The following IMMP2L variants were observed in gnomAD, a reference collection of about 807,000 sequenced individuals.
IMMP2L encodes mitochondrial inner membrane protease subunit 2.
IMMP2L carries 18 observed loss-of-function variants against 19.3 expected under a neutral mutation model. That is an observed-to-expected ratio of 0.93 (90% CI 0.64 to 1.38). The LOEUF is 1.38. IMMP2L is among the 40% of genes most tolerant of loss of function. IMMP2L has a pLI of 0.00. For synonymous variants in IMMP2L, 76 were observed against 73.0 expected (o/e 1.04, Z -0.21); for missense variants, 233 against 218.2 (o/e 1.07, Z -0.43).
At chr7:111,478,701 C>T (rs1250672860) in intron 3 of IMMP2L, among the ~76,000 whole-genome samples, 1 of 152,138 alleles carries the variant, frequency 6.6e-6, no homozygotes, top group Non-Finnish European at 1.5e-5. Context: ...GCTAGGATTA[C>T]AGACATGACT....
chr7:111,409,592 G>A (rs1834213506), intron 3 of IMMP2L, among the ~76,000 whole-genome samples: 1 of 151,628 alleles, frequency 6.6e-6, no homozygotes, highest in Non-Finnish European at 1.5e-5. Context: ...TATAACCTTG[G>A]TTAAATAATC....
intron 3 of IMMP2L, among the ~76,000 whole-genome samples, chr7:111,022,984 C>T (rs1826442146): frequency 6.6e-6 from 1 of 152,200 alleles, no homozygotes; most frequent in African/African-American, 2.4e-5. Flanking sequence ...AATACAAATT[C>T]ACCTTTGCAG....
At position 111,541,812 on chromosome 7, in the gene IMMP2L, T is replaced by A. The variant is rs182060890; in HGVS notation, c.-3+20039A>T. 2.3e-3 allele frequency among the ~76,000 whole-genome samples: 348 copies of A among 152,222 alleles called. 1 individual carries two copies. The highest frequency in any genetic ancestry group is 1.1e-3 in the Non-Finnish European group (75 of 67,984). On this transcript the variant is annotated intron_variant, in intron 1 of 5. Transcript: ENST00000405709. The stretch of plus-strand genomic sequence containing the variant: ...AAAGTTTCTCAGAACCTAATGTAGC[T>A]TTCTTCTGCAAAAAAGACGAGGCAT...
intron 5 of IMMP2L, among the ~76,000 whole-genome samples, chr7:110,735,672 G>T (rs1208750598): frequency 7.7e-5 from 5 of 64,828 alleles, no homozygotes; most frequent in East Asian, 9.0e-4. Flanking sequence ...TATATATATA[G>T]TAGACAAATA....
intron 2 of IMMP2L, among the ~76,000 whole-genome samples, chr7:111,509,669 TGTGTGTATA>T (rs1845265086): frequency 6.6e-6 from 1 of 152,202 alleles, no homozygotes; most frequent in Non-Finnish European, 1.5e-5. Context: ...GTTGCATGTA[TGTGTGTATA>T]GTGCAAAATA....
At chr7:111,004,149 T>A (rs897529531) in intron 3 of IMMP2L, among the ~76,000 whole-genome samples, 11 of 152,168 alleles carry the variant, frequency 7.2e-5, no homozygotes, top group African/African-American at 2.6e-4. Context: ...CTTATACAGG[T>A]CACATAAGCT....
intron 3 of IMMP2L, among the ~76,000 whole-genome samples, chr7:111,138,679 AAGATT>A (rs1263555787): frequency 6.6e-6 from 1 of 152,222 alleles, no homozygotes; most frequent in Non-Finnish European, 1.5e-5. Context: ...AAGCTAGAAA[AAGATT>A]AGAGATAAGG....
At chr7:111,407,433 C>A (rs971981607) in intron 3 of IMMP2L, among the ~76,000 whole-genome samples, 2 of 151,848 alleles carry the variant, frequency 1.3e-5, no homozygotes, top group Non-Finnish European at 2.9e-5. Flanking sequence ...TGTGGATTAA[C>A]AAAATGAGGT....
At chr7:111,217,460 C>T (rs925932856) in intron 3 of IMMP2L, among the ~76,000 whole-genome samples, 5 of 152,078 alleles carry the variant, frequency 3.3e-5, no homozygotes. Context: ...ATAAAGCCCA[C>T]TCATGGAGCT....
chr7:111,467,355 A>C (rs2132066307), intron 3 of IMMP2L, among the ~76,000 whole-genome samples: 1 of 152,326 alleles, frequency 6.6e-6, no homozygotes, highest in African/African-American at 2.4e-5. Flanking sequence ...TAAAATTTCC[A>C]ATTCTATATA....
intron 5 of IMMP2L, among the ~76,000 whole-genome samples, chr7:110,782,615 TA>T (rs903007877): frequency 1.8e-4 from 27 of 151,856 alleles, no homozygotes; most frequent in African/African-American, 6.0e-4. Context: ...TTAGGTCCCT[TA>T]AAAAAATACA....
chr7:111,100,741 A>T (rs1048841233), intron 3 of IMMP2L, among the ~76,000 whole-genome samples: 3 of 151,514 alleles, frequency 2.0e-5, no homozygotes, highest in Non-Finnish European at 4.4e-5. Flanking sequence ...TAATGTATGT[A>T]AAAATATCAT....
intron 3 of IMMP2L, chr7:111,124,774 A>C: frequency 6.2e-7 from 1 of 1,613,922 alleles, no homozygotes; most frequent in Non-Finnish European, 8.5e-7. Flanking sequence ...TTACTTACAG[A>C]AACCAACCTT....
chr7:111,454,801 G>A (rs1020539193), intron 3 of IMMP2L, among the ~76,000 whole-genome samples: 1 of 151,898 alleles, frequency 6.6e-6, no homozygotes, highest in African/African-American at 2.4e-5. Context: ...AGATATAAAT[G>A]AGAAATTCAA....
chr7:111,056,033 C>G lies in IMMP2L; in HGVS notation c.240-92468G>C, dbSNP rs373300431. On this transcript the variant is annotated intron_variant, in intron 3 of 5. Coordinates refer to ENST00000405709, the MANE Select transcript of IMMP2L (RefSeq NM_032549.4). ...TATTTTATCAATTAAAGCCTAATAT[C>G]AAAAAGCTATGTTACTTTAAATTCA... is the stretch of plus-strand genomic sequence containing the variant. Among the ~76,000 whole-genome samples, 18 of 152,232 alleles carry G rather than the reference C, an allele frequency of 1.2e-4. No individual in the cohort carries two copies. The East Asian group carries it at 2.1e-3, about 18-fold the overall frequency.
intron 3 of IMMP2L, among the ~76,000 whole-genome samples, chr7:111,174,938 A>G (rs2189322): frequency 0.79 from 120,021 of 151,606 alleles, 48,417 homozygotes; most frequent in East Asian, 0.9. Context: ...TAAGTCCCTG[A>G]TGGAATACTA....
intron 3 of IMMP2L, among the ~76,000 whole-genome samples, chr7:111,283,604 T>C (rs1464412089): frequency 2.6e-5 from 4 of 151,994 alleles, no homozygotes; most frequent in African/African-American, 4.8e-5. Flanking sequence ...GGCCAGATTG[T>C]TAATAAACAA....
At chr7:111,333,754 T>C (rs1486455542) in intron 3 of IMMP2L, among the ~76,000 whole-genome samples, 1 of 152,080 alleles carries the variant, frequency 6.6e-6, no homozygotes, top group East Asian at 1.9e-4. Flanking sequence ...AGCCTACATC[T>C]TTCTCCCGTG....
At chr7:110,854,886 A>T (rs1236812684) in intron 5 of IMMP2L, among the ~76,000 whole-genome samples, 2 of 152,024 alleles carry the variant, frequency 1.3e-5, no homozygotes, top group African/African-American at 4.8e-5. Context: ...TCTAATATAC[A>T]GCAAGTATAA....
Sources: gnomAD v4.1 joint callset for allele counts (sites outside exome capture counted in the v4.1 genomes callset) on GRCh38, gnomAD v4.1.1 for gene constraint, MANE v1.5 for transcripts, NCBI Gene and HGNC (gene_info 2026-07-23, HGNC 2026-07-21) for gene names.